Variants in SLC26A4 observed in about 807,000 individuals in gnomAD.
The protein encoded by SLC26A4 is pendrin.
In SLC26A4, 93 loss-of-function variants were observed where a neutral mutation model predicts 90.4. That is an observed-to-expected ratio of 1.03 (90% confidence interval 0.87 to 1.22). SLC26A4 has a LOEUF of 1.22. Ranked by LOEUF, SLC26A4 falls within the 50% of genes most tolerant of loss-of-function variation. The probability of loss-of-function intolerance (pLI) is 0.00; values close to 1 mark genes in which losing one functional copy is unlikely to be tolerated. For missense variants in SLC26A4, 1,127 were observed against 946.2 expected, an observed-to-expected ratio of 1.19 and a Z score of -2.51; for synonymous variants, 393 against 354.6, an observed-to-expected ratio of 1.11 and a Z score of -1.22.
At chr7:107,702,414 G>T (rs1313750514) in intron 17 of SLC26A4, among the ~76,000 whole-genome samples, 1 of 152,182 alleles carries the variant, frequency 6.6e-6, no homozygotes, top group Non-Finnish European at 1.5e-5. Flanking sequence ...GGTTCAGGCT[G>T]GGCATGGTGG....
At chr7:107,707,568 A>G (rs1424423708) in intron 18 of SLC26A4, among the ~76,000 whole-genome samples, 1 of 152,232 alleles carries the variant, frequency 6.6e-6, no homozygotes, top group Non-Finnish European at 1.5e-5. Flanking sequence ...TGACAAGGAT[A>G]TTTGGATATT....
intron 8 of SLC26A4, among the ~76,000 whole-genome samples, chr7:107,685,822 C>T (rs1791381282): frequency 6.6e-6 from 1 of 152,170 alleles, no homozygotes; most frequent in South Asian, 2.1e-4. Context: ...TCATCCTGCC[C>T]AGGCTTCTCT....
chr7:107,710,023 A>G (rs188714661), intron 18 of SLC26A4, 31 bp from the exon 19 acceptor site: 2 of 1,603,694 alleles, frequency 1.2e-6, no homozygotes, highest in African/African-American at 2.7e-5. Context: ...TTTCCTAGGA[A>G]CTAACAAAAC....
intron 6 of SLC26A4, among the ~76,000 whole-genome samples, chr7:107,675,832 A>G (rs367826125): frequency 6.6e-6 from 1 of 151,668 alleles, no homozygotes; most frequent in East Asian, 1.9e-4. Context: ...TCGGCCTCCC[A>G]AAGTGCTGGG....
chr7:107,701,209 C>T lies in SLC26A4; in HGVS notation c.1803+13C>T. ...AAGAGCAACAAAGGTGAGATGACATCTTTCTTTTCCCCCTTAAATTATTTC... is the reference window on the plus strand; with the variant it reads ...AAGAGCAACAAAGGTGAGATGACATTTTTCTTTTCCCCCTTAAATTATTTC... On this transcript the variant is annotated intron_variant, in intron 16 of 20. Coordinates refer to ENST00000644269, the MANE Select transcript of SLC26A4 (RefSeq NM_000441.2). The T allele has an allele frequency of 3.4e-6, 5 of 1,483,216 alleles. No homozygotes were observed. Among genetic ancestry groups the T allele is most frequent in the Non-Finnish European group, 3.8e-6 (4 of 1,060,840 alleles). The allele number at this position is 1,483,216 out of a possible 1,614,324, so 91.9% of individuals were successfully genotyped here. A position where few individuals can be genotyped will look rare whatever the true frequency, so the allele number is the denominator to read the frequency against.
intron 3 of SLC26A4, among the ~76,000 whole-genome samples, chr7:107,670,301 G>T (rs894050052): frequency 6.6e-6 from 1 of 151,842 alleles, no homozygotes; most frequent in Non-Finnish European, 1.5e-5. Context: ...TAGAGACGGG[G>T]TTTCACCATC....
At position 107,696,054 on chromosome 7, in the gene SLC26A4, AC is replaced by A; in HGVS notation, c.1544+18del. The A allele has an allele frequency of 1.4e-6, 2 of 1,397,270 alleles. No individual in the cohort carries two copies. The highest frequency in any genetic ancestry group is 2.0e-6 in the Non-Finnish European group (2 of 982,198). 86.6% of individuals were successfully genotyped at this position (1,397,270 alleles called of 1,614,324 possible). A position where few individuals can be genotyped will look rare whatever the true frequency, so the allele number is the denominator to read the frequency against. Reference sequence around the variant, plus strand: ...AGAGTTCAGTTGTGAGTAACGTAAAACCCAGATTTCCTATAAACAGAACAAC... The same window carrying A: ...AGAGTTCAGTTGTGAGTAACGTAAAACCAGATTTCCTATAAACAGAACAAC... On this transcript the variant is annotated intron_variant, in intron 13 of 20. Transcript: ENST00000644269.
intron 17 of SLC26A4, among the ~76,000 whole-genome samples, chr7:107,703,339 C>G (rs1791950229): frequency 2.0e-5 from 3 of 152,202 alleles, no homozygotes; most frequent in African/African-American, 7.2e-5. Context: ...TGAGGTTCCA[C>G]TTAGCTAAGG....
At chr7:107,691,514 TACACACACACACAC>T (rs113976786) in intron 10 of SLC26A4, among the ~76,000 whole-genome samples, 1 of 130,978 alleles carries the variant, frequency 7.6e-6, no homozygotes, top group Non-Finnish European at 1.6e-5. Flanking sequence ...AATATATATA[TACACACACACACAC>T]ACACACACAC....
intron 6 of SLC26A4, 74 bp from the exon 7 acceptor site, chr7:107,683,128 G>C: frequency 9.7e-7 from 1 of 1,033,324 alleles, no homozygotes; most frequent in East Asian, 2.5e-5. Flanking sequence ...AGAATTGATT[G>C]TGTGTGTGTG....
chr7:107,700,277 C>A (rs1791853150), intron 15 of SLC26A4, 102 bp downstream of exon 15: 1 of 706,524 alleles, frequency 1.4e-6, no homozygotes, highest in Admixed American at 2.1e-5. Flanking sequence ...GCCCTAGACC[C>A]TCTTCCCTTT....
chr7:107,715,714 A>T lies in SLC26A4; in HGVS notation c.*268A>T. 1 of 524,728 alleles carries T rather than the reference A, an allele frequency of 1.9e-6. No individual in the cohort carries two copies. The highest frequency in any genetic ancestry group is 3.4e-6 in the Non-Finnish European group (1 of 291,236). 32.5% of individuals were successfully genotyped at this position (524,728 alleles called of 1,614,324 possible). On this transcript the variant is annotated 3_prime_UTR_variant, in exon 21 of 21. Coordinates refer to ENST00000644269, the MANE Select transcript of SLC26A4 (RefSeq NM_000441.2). ...GCTGATCTACATCACAGATTTGCTA[A>T]TAATGTTCACGTGGGCCCTGGCATA...
intron 13 of SLC26A4, 86 bp from the exon 14 acceptor site, chr7:107,697,956 G>T: frequency 2.4e-6 from 2 of 825,094 alleles, no homozygotes; most frequent in Non-Finnish European, 4.3e-6. Context: ...CAGAATGATG[G>T]GCTCTTTAGT....
rs1790962954 is a variant in SLC26A4 at position 107,674,358 on chromosome 7, T to G, written c.600+10T>G. 1 of 1,589,984 alleles carries G rather than the reference T, an allele frequency of 6.3e-7. No individual in the cohort carries two copies. The highest frequency in any genetic ancestry group is 1.3e-5 in the African/African-American group (1 of 74,566). On this transcript the variant is annotated intron_variant, in intron 5 of 20. Transcript: ENST00000644269. ...GGTTGGAATTATACAGGTAATGAAC[T>G]TACAAGTAAAATATAGATGGATGTA...
At chr7:107,664,025 T>G (rs1310269586) in intron 3 of SLC26A4, among the ~76,000 whole-genome samples, 1 of 151,886 alleles carries the variant, frequency 6.6e-6, no homozygotes, top group African/African-American at 2.4e-5. Context: ...AAGAAATGTG[T>G]AAAGAGTTTC....
At chr7:107,699,933 AAAAAAAAAAAG>A in intron 14 of SLC26A4, 139 bp from the exon 15 acceptor site, 1 of 617,620 alleles carries the variant, frequency 1.6e-6, no homozygotes, top group Non-Finnish European at 2.9e-6. Context: ...ATCTCAAAAA[AAAAAAAAAAAG>A]AAAAGAAAGA....
At chr7:107,697,901 G>A in intron 13 of SLC26A4, 141 bp from the exon 14 acceptor site, 1 of 685,666 alleles carries the variant, frequency 1.5e-6, no homozygotes, top group Non-Finnish European at 2.7e-6. Flanking sequence ...TTCAGAGTTA[G>A]CTACAGGAAA....
At chr7:107,690,748 CTGAG>C (rs980072270) in intron 10 of SLC26A4, among the ~76,000 whole-genome samples, 9 of 152,122 alleles carry the variant, frequency 5.9e-5, no homozygotes, top group African/African-American at 1.9e-4. Flanking sequence ...GCATTTCTTC[CTGAG>C]TAAGATTTAT....
At chr7:107,680,149 CTTA>C (rs1481214152) in intron 6 of SLC26A4, among the ~76,000 whole-genome samples, 5 of 117,082 alleles carry the variant, frequency 4.3e-5, no homozygotes, top group African/African-American at 1.5e-4. Flanking sequence ...ATAATCTTAT[CTTA>C]TTATATAATA....
Sources: gnomAD v4.1 joint callset for allele counts (sites outside exome capture counted in the v4.1 genomes callset) on GRCh38, gnomAD v4.1.1 for gene constraint, MANE v1.5 for transcripts, NCBI Gene and HGNC (gene_info 2026-07-23, HGNC 2026-07-21) for gene names.